Variants in PAK6 observed in about 807,000 individuals in gnomAD.
PAK6 encodes the protein serine/threonine-protein kinase PAK 6.
A neutral mutation model predicts 60.8 loss-of-function variants in PAK6; 33 were observed. The ratio of observed to expected loss-of-function variants is 0.54; its 90% CI spans 0.41 to 0.73. PAK6 has a LOEUF of 0.73. PAK6 is among the 30% of genes least tolerant of loss of function. The pLI is 0.00. For missense variants in PAK6, 845 were observed against 904.1 expected (o/e 0.93, Z 0.84); for synonymous variants, 404 against 378.5 (o/e 1.07, Z -0.78).
chr15:40,272,477 C>T lies in PAK6; in HGVS notation c.1112C>T (p.Thr371Met), dbSNP rs377762904. 11 of 1,613,846 alleles carry T rather than the reference C, an allele frequency of 6.8e-6. No individual in the cohort carries two copies. Among genetic ancestry groups the T allele is most frequent in the East Asian group, 2.2e-5 (1 of 44,888 alleles). ...AACCTGTACCTGCCCCAGGACCCCA[C>T]GGTTGCCAAGGGTGCCCTGGCTGGT... Residue 371 changes from threonine to methionine, a missense_variant, in exon 6 of 11, where the codon ACG becomes ATG. Transcript: ENST00000560346.
At chr15:40,265,775 TCTCCCAGCCACCC>T (rs770360528) in intron 4 of PAK6, 54 bp from the exon 5 acceptor site, 63 of 1,429,120 alleles carry the variant, frequency 4.4e-5, no homozygotes, top group Non-Finnish European at 5.8e-5. Context: ...CTGACCCTGA[TCTCCCAGCCACCC>T]CTCCCTGCCA....
chr15:40,266,049 A>C (rs781300780), exon 5 of PAK6: 34 of 1,608,514 alleles, frequency 2.1e-5, no homozygotes, highest in Non-Finnish European at 2.9e-5. Context: ...GTCTGAGCGC[A>C]CTGACCCCCA....
chr15:40,273,108 TC>T, intron 7 of PAK6, 109 bp downstream of exon 7: 1 of 1,410,686 alleles, frequency 7.1e-7, no homozygotes, highest in Non-Finnish European at 9.6e-7. Flanking sequence ...ATGCCTGGGC[TC>T]CCCTGCCTGC....
chr15:40,261,227 C>T (rs2038977247), intron 3 of PAK6, among the ~76,000 whole-genome samples: 2 of 150,636 alleles, frequency 1.3e-5, no homozygotes, highest in South Asian at 2.2e-4. Flanking sequence ...ATGTAGAAAT[C>T]CAGTTGATTT....
chr15:40,272,479 G>A, exon 6 of PAK6: 1 of 1,613,808 alleles, frequency 6.2e-7, no homozygotes. Context: ...GGACCCCACG[G>A]TTGCCAAGGG....
intron 3 of PAK6, 82 bp downstream of exon 3, chr15:40,253,371 G>A (rs1016220132): frequency 2.3e-6 from 1 of 428,516 alleles, no homozygotes; most frequent in Non-Finnish European, 4.7e-6. Context: ...TGGGCAGGCA[G>A]GTGGCCCTCC....
exon 11 of PAK6, chr15:40,276,205 G>A: frequency 9.3e-7 from 1 of 1,076,372 alleles, no homozygotes; most frequent in Non-Finnish European, 1.4e-6. Context: ...TCCAAAGATT[G>A]AAATGTGAAG....
intron 3 of PAK6, chr15:40,264,339 T>C (rs372986139): frequency 2.5e-6 from 1 of 405,406 alleles, no homozygotes; most frequent in Non-Finnish European, 4.9e-6. Context: ...TTCCTTTTCT[T>C]GCACTCTCCT....
intron 2 of PAK6, among the ~76,000 whole-genome samples, chr15:40,242,214 G>A (rs779023880): frequency 5.3e-5 from 8 of 152,188 alleles, no homozygotes; most frequent in African/African-American, 1.2e-4. Context: ...ATGCCAGCCC[G>A]CTTCTGTGGG....
intron 3 of PAK6, among the ~76,000 whole-genome samples, chr15:40,255,321 T>C (rs1695470705): frequency 6.6e-6 from 1 of 152,160 alleles, no homozygotes; most frequent in Non-Finnish European, 1.5e-5. Flanking sequence ...GGGCCAGTGG[T>C]ATGGGAATAG....
At chr15:40,243,221 A>G (rs1191180266) in intron 2 of PAK6, among the ~76,000 whole-genome samples, 1 of 152,210 alleles carries the variant, frequency 6.6e-6, no homozygotes, top group African/African-American at 2.4e-5. Context: ...ATGACAAACA[A>G]AGGAAGAAGC....
At chr15:40,275,413 G>A (rs1365314440) in intron 10 of PAK6, among the ~76,000 whole-genome samples, 1 of 150,162 alleles carries the variant, frequency 6.7e-6, no homozygotes, top group Non-Finnish European at 1.5e-5. Flanking sequence ...AGCCTCCTGA[G>A]TAGCTGGGAT....
intron 3 of PAK6, among the ~76,000 whole-genome samples, chr15:40,257,948 C>T (rs2068001): frequency 0.37 from 56,137 of 152,068 alleles, 10,471 homozygotes; most frequent in South Asian, 0.46. Flanking sequence ...GCCTGTGGGT[C>T]GCCTGGCTTC....
chr15:40,263,230 C>G (rs2039029879), intron 3 of PAK6, among the ~76,000 whole-genome samples: 1 of 152,234 alleles, frequency 6.6e-6, no homozygotes, highest in Non-Finnish European at 1.5e-5. Context: ...GCCCTGCACT[C>G]CAGATCTTCG....
intron 3 of PAK6, among the ~76,000 whole-genome samples, chr15:40,258,022 T>G (rs2038885783): frequency 6.6e-6 from 1 of 152,150 alleles, no homozygotes; most frequent in African/African-American, 2.4e-5. Context: ...ACGCCTGCTG[T>G]TTCTGTAGCT....
At chr15:40,276,158 C>G (rs753647873) in exon 11 of PAK6, 5 of 1,498,370 alleles carry the variant, frequency 3.3e-6, no homozygotes, top group African/African-American at 1.4e-5. Context: ...GCCAGCCTGC[C>G]GGCAGGACTT....
At chr15:40,276,749 CGTGTGTGT>C (rs58716292) in exon 11 of PAK6, 6,480 of 134,480 alleles carry the variant, frequency 0.048, 198 homozygotes, top group East Asian at 0.15. Flanking sequence ...GAGAGAACAT[CGTGTGTGT>C]GTGTGTGTGT....
At chr15:40,275,286 T>TTTTTTTTC (rs2039424378) in intron 10 of PAK6, among the ~76,000 whole-genome samples, 1 of 106,170 alleles carries the variant, frequency 9.4e-6, no homozygotes, top group South Asian at 3.3e-4. Flanking sequence ...GTTGGTTTTT[T>TTTTTTTTC]TTTTTTTTTT....
chr15:40,242,407 G>C (rs562995443), intron 2 of PAK6, among the ~76,000 whole-genome samples: 18 of 152,374 alleles, frequency 1.2e-4, no homozygotes, highest in African/African-American at 4.3e-4. Flanking sequence ...AGATGCGCTC[G>C]TCGCCCTGAG....
Sources: allele counts gnomAD v4.1 joint callset (sites outside exome capture counted in the v4.1 genomes callset), GRCh38; gene constraint gnomAD v4.1.1; transcripts MANE v1.5; gene names NCBI Gene and HGNC (gene_info 2026-07-23, HGNC 2026-07-21).